PRKCE: variants seen among roughly 807,000 people sequenced by gnomAD.
PRKCE encodes the protein protein kinase C epsilon.
A neutral mutation model predicts 85.4 loss-of-function variants in PRKCE; 16 were observed. That is an observed-to-expected ratio of 0.19 (90% CI 0.13 to 0.28). The LOEUF is 0.28. Ranked by LOEUF, PRKCE falls within the 10% of genes least tolerant of loss-of-function variation. The pLI is 1.00. For missense variants in PRKCE, 573 were observed against 975.2 expected, an observed-to-expected ratio of 0.59 and a Z score of 5.49; for synonymous variants, 388 against 371.5, an observed-to-expected ratio of 1.04 and a Z score of -0.51.
At chr2:45,720,163 G>C (rs12999544) in intron 1 of PRKCE, among the ~76,000 whole-genome samples, 14,222 of 152,182 alleles carry the variant, frequency 0.093, 906 homozygotes, top group Non-Finnish European at 0.14. Context: ...GGAGGGGTAA[G>C]AGGAACTGTA....
intron 1 of PRKCE, among the ~76,000 whole-genome samples, chr2:45,824,908 G>C (rs961188522): frequency 6.6e-6 from 1 of 152,142 alleles, no homozygotes; most frequent in African/African-American, 2.4e-5. Context: ...GGTTGATGTG[G>C]AGGTTTTCTG....
At chr2:46,026,037 T>G (rs1361994652) in intron 10 of PRKCE, among the ~76,000 whole-genome samples, 1 of 152,214 alleles carries the variant, frequency 6.6e-6, no homozygotes, top group African/African-American at 2.4e-5. Flanking sequence ...ATATGATTCT[T>G]GTGCATCCAT....
chr2:45,766,426 ACTCTCTT>A (rs1684913541), intron 1 of PRKCE, among the ~76,000 whole-genome samples: 2 of 151,966 alleles, frequency 1.3e-5, no homozygotes, highest in East Asian at 3.9e-4. Context: ...GGTTGGTTCT[ACTCTCTT>A]CTTTTTTCCC....
chr2:46,045,510 A>T (rs1708467762), intron 10 of PRKCE, among the ~76,000 whole-genome samples: 2 of 152,244 alleles, frequency 1.3e-5, no homozygotes, highest in South Asian at 4.1e-4. Flanking sequence ...GGCTCCAGTC[A>T]GTAGGATCTG....
chr2:45,986,660 G>A (rs912698418), intron 6 of PRKCE, among the ~76,000 whole-genome samples: 5 of 152,206 alleles, frequency 3.3e-5, no homozygotes, highest in African/African-American at 1.2e-4. Context: ...AAGTGGGGGT[G>A]TGAGAGGCAC....
At chr2:45,822,327 C>A (rs149855253) in intron 1 of PRKCE, among the ~76,000 whole-genome samples, 1 of 152,222 alleles carries the variant, frequency 6.6e-6, no homozygotes, top group East Asian at 1.9e-4. Context: ...CTTGAGCCAG[C>A]CCGGGAGAAA....
At chr2:45,866,484 T>C (rs1464596956) in intron 2 of PRKCE, among the ~76,000 whole-genome samples, 2 of 152,100 alleles carry the variant, frequency 1.3e-5, no homozygotes, top group African/African-American at 4.8e-5. Context: ...ATTTTTTGTA[T>C]TTTTAGTAGA....
At chr2:46,035,038 C>A (rs536344497) in intron 10 of PRKCE, among the ~76,000 whole-genome samples, 6 of 152,312 alleles carry the variant, frequency 3.9e-5, no homozygotes, top group African/African-American at 1.2e-4. Flanking sequence ...AGCCTGTGAC[C>A]ACATGGGTTG....
chr2:45,789,914 C>A (rs1686905712), intron 1 of PRKCE, among the ~76,000 whole-genome samples: 1 of 152,124 alleles, frequency 6.6e-6, no homozygotes. Flanking sequence ...ATATCTGACA[C>A]CTAAATGGTA....
chr2:45,752,432 G>A (rs1001769072), intron 1 of PRKCE, among the ~76,000 whole-genome samples: 2 of 151,916 alleles, frequency 1.3e-5, no homozygotes, highest in South Asian at 4.2e-4. Flanking sequence ...CTGAGATATC[G>A]CCCTCCCTCC....
chr2:45,797,168 C>A (rs965264453), intron 1 of PRKCE, among the ~76,000 whole-genome samples: 2 of 152,164 alleles, frequency 1.3e-5, no homozygotes, highest in African/African-American at 4.8e-5. Flanking sequence ...GTATCATTAG[C>A]TTGTTGTCCA....
At chr2:45,982,693 T>G (rs889186867) in intron 5 of PRKCE, among the ~76,000 whole-genome samples, 11 of 152,198 alleles carry the variant, frequency 7.2e-5, no homozygotes, top group African/African-American at 2.7e-4. Context: ...GCCGTCTTTG[T>G]GTTGGTCTCT....
At chr2:45,744,413 TTTTCTTTCTTTCTTTCTTTCTTTC>T (rs1164620024) in intron 1 of PRKCE, among the ~76,000 whole-genome samples, 2,006 of 117,728 alleles carry the variant, frequency 0.017, 61 homozygotes, top group Admixed American at 0.046. Flanking sequence ...CTTTCTTTTC[TTTTCTTTCTTTCTTTCTTTCTTTC>T]TTTCTTTCTT....
intron 10 of PRKCE, among the ~76,000 whole-genome samples, chr2:46,072,731 A>C (rs1180326568): frequency 6.6e-6 from 1 of 152,212 alleles, no homozygotes; most frequent in Admixed American, 6.5e-5. Context: ...TACAGGAGAC[A>C]TGGCCCTGGG....
intron 2 of PRKCE, among the ~76,000 whole-genome samples, chr2:45,855,270 G>A (rs1048054477): frequency 6.6e-6 from 1 of 152,168 alleles, no homozygotes. Flanking sequence ...GGCTTACACT[G>A]TAAGAAGGTA....
At chr2:45,660,452 G>T (rs1436144718) in intron 1 of PRKCE, among the ~76,000 whole-genome samples, 1 of 152,148 alleles carries the variant, frequency 6.6e-6, no homozygotes, top group East Asian at 1.9e-4. Context: ...CATTCCAGGT[G>T]CCATGGTGAG....
intron 11 of PRKCE, among the ~76,000 whole-genome samples, chr2:46,136,229 C>T (rs983691554): frequency 6.6e-6 from 1 of 152,056 alleles, no homozygotes; most frequent in African/African-American, 2.4e-5. Context: ...GGAAAACGAG[C>T]GAAGAATAAA....
chr2:45,860,328 T>C (rs1693044303), intron 2 of PRKCE, among the ~76,000 whole-genome samples: 1 of 152,226 alleles, frequency 6.6e-6, no homozygotes, highest in African/African-American at 2.4e-5. Flanking sequence ...ACTTACATAG[T>C]GTACTGATCC....
chr2:45,751,807 C>CTT (rs1444919980), intron 1 of PRKCE, among the ~76,000 whole-genome samples: 1 of 124,216 alleles, frequency 8.1e-6, no homozygotes, highest in African/African-American at 3.5e-5. Flanking sequence ...AAGCTAACCA[C>CTT]TATTTTTTTT....
Sources: allele counts gnomAD v4.1 joint callset (sites outside exome capture counted in the v4.1 genomes callset), GRCh38; gene constraint gnomAD v4.1.1; transcripts MANE v1.5; gene names NCBI Gene and HGNC (gene_info 2026-07-23, HGNC 2026-07-21).